The following KCNIP4 variants were observed in gnomAD, a reference collection of about 807,000 sequenced individuals.
The protein encoded by KCNIP4 is potassium voltage-gated channel interacting protein 4.
KCNIP4 carries 12 observed loss-of-function variants against 34.0 expected under a neutral mutation model. The observed-to-expected ratio is 0.35, with a 90% CI of 0.23 to 0.57. The LOEUF is 0.57. KCNIP4 is among the 20% of genes least tolerant of loss of function. The probability of loss-of-function intolerance (pLI) is 0.83; values close to 1 mark genes in which losing one functional copy is unlikely to be tolerated. For missense variants in KCNIP4, 238 were observed against 311.7 expected, an observed-to-expected ratio of 0.76 and a Z score of 1.78; for synonymous variants, 124 against 102.2, an observed-to-expected ratio of 1.21 and a Z score of -1.29.
At chr4:21,915,816 T>A (rs1035512716) in intron 1 of KCNIP4, among the ~76,000 whole-genome samples, 1 of 152,234 alleles carries the variant, frequency 6.6e-6, no homozygotes, top group Admixed American at 6.5e-5. Context: ...TGTTCTTTTT[T>A]ATTTTGCTAG....
intron 1 of KCNIP4, among the ~76,000 whole-genome samples, chr4:21,860,241 C>A (rs2109349491): frequency 6.6e-6 from 1 of 152,266 alleles, no homozygotes; most frequent in African/African-American, 2.4e-5. Flanking sequence ...TCAAGCAATT[C>A]TTGTGCCTCA....
intron 1 of KCNIP4, among the ~76,000 whole-genome samples, chr4:21,796,361 A>G (rs888698176): frequency 1.3e-5 from 2 of 151,590 alleles, no homozygotes; most frequent in Admixed American, 6.6e-5. Context: ...ATTTCTTCCA[A>G]CTCTTCATGG....
At chr4:21,707,932 T>TAC (rs3050896) in intron 1 of KCNIP4, among the ~76,000 whole-genome samples, 25,681 of 146,686 alleles carry the variant, frequency 0.18, 2,573 homozygotes, top group South Asian at 0.26. Context: ...AACACACACA[T>TAC]ACACACACAC....
intron 1 of KCNIP4, among the ~76,000 whole-genome samples, chr4:20,945,918 A>G (rs1358391768): frequency 1.3e-5 from 2 of 152,216 alleles, no homozygotes; most frequent in African/African-American, 4.8e-5. Context: ...CAGTCGCTCA[A>G]ATCAACTATA....
chr4:21,605,519 C>T (rs1293246303), intron 1 of KCNIP4, among the ~76,000 whole-genome samples: 4 of 152,068 alleles, frequency 2.6e-5, no homozygotes, highest in South Asian at 2.1e-4. Flanking sequence ...CTCACTCTGT[C>T]GCCCAGGCTG....
chr4:21,065,001 T>C (rs905851456), intron 1 of KCNIP4, among the ~76,000 whole-genome samples: 1 of 152,214 alleles, frequency 6.6e-6, no homozygotes, highest in Non-Finnish European at 1.5e-5. Context: ...ACCTGTTCAT[T>C]AATTGATGAA....
intron 1 of KCNIP4, among the ~76,000 whole-genome samples, chr4:21,152,970 C>T (rs541654236): frequency 6.6e-6 from 1 of 152,270 alleles, no homozygotes; most frequent in South Asian, 2.1e-4. Context: ...GGGTTGGGGA[C>T]CACTAATTTA....
chr4:21,693,765 T>C (rs770449146), intron 1 of KCNIP4, among the ~76,000 whole-genome samples: 2 of 152,284 alleles, frequency 1.3e-5, no homozygotes, highest in Non-Finnish European at 1.5e-5. Context: ...TCTTACCTCC[T>C]GCTTTTAATA....
intron 1 of KCNIP4, among the ~76,000 whole-genome samples, chr4:21,008,111 G>A (rs1738731176): frequency 6.6e-6 from 1 of 152,178 alleles, no homozygotes; most frequent in Admixed American, 6.5e-5. Flanking sequence ...ACTGAGACCT[G>A]CAGGCAGGAT....
intron 1 of KCNIP4, among the ~76,000 whole-genome samples, chr4:21,546,915 T>C (rs1029295643): frequency 6.6e-6 from 1 of 152,058 alleles, no homozygotes; most frequent in African/African-American, 2.4e-5. Context: ...AAAGAGAAAA[T>C]TTATTCTTAT....
At chr4:21,939,561 C>A (rs1257573047) in intron 1 of KCNIP4, among the ~76,000 whole-genome samples, 5 of 151,950 alleles carry the variant, frequency 3.3e-5, no homozygotes, top group Admixed American at 1.3e-4. Flanking sequence ...TATACTTGTC[C>A]CCAAGATTTT....
At chr4:20,956,620 C>A (rs903568721) in intron 1 of KCNIP4, among the ~76,000 whole-genome samples, 2 of 151,844 alleles carry the variant, frequency 1.3e-5, no homozygotes, top group Non-Finnish European at 2.9e-5. Flanking sequence ...AAGAATAAAA[C>A]AATAGATTAA....
At chr4:21,388,659 T>C (rs142908326) in intron 1 of KCNIP4, among the ~76,000 whole-genome samples, 1 of 152,206 alleles carries the variant, frequency 6.6e-6, no homozygotes, top group East Asian at 1.9e-4. Context: ...CTTTTAGCTA[T>C]TACCCTCCAC....
chr4:21,043,972 T>C lies in KCNIP4; in HGVS notation c.62-161263A>G, dbSNP rs113366041. Among the ~76,000 whole-genome samples, 646 of 152,122 alleles carry C rather than the reference T, an allele frequency of 4.2e-3. 3 individuals are homozygous for C. The highest frequency in any genetic ancestry group is 0.015 in the African/African-American group (616 of 41,486). ...CAAAATGCCATTGGTTTCCATTGGG[T>C]GGATTAGGAATACAATGGGATTACA... is the stretch of plus-strand genomic sequence containing the variant. On this transcript the variant is annotated intron_variant, in intron 1 of 8. Transcript: ENST00000382152.
At chr4:21,009,467 CCAAA>C (rs566914408) in intron 1 of KCNIP4, among the ~76,000 whole-genome samples, 2 of 152,150 alleles carry the variant, frequency 1.3e-5, no homozygotes, top group Non-Finnish European at 2.9e-5. Flanking sequence ...TCCTTCCTTT[CCAAA>C]CAATTAAAAT....
chr4:21,753,189 C>T (rs1314418337), intron 1 of KCNIP4, among the ~76,000 whole-genome samples: 3 of 152,164 alleles, frequency 2.0e-5, no homozygotes, highest in Admixed American at 1.3e-4. Flanking sequence ...TGAGGCTCCT[C>T]ATGCATAATC....
At chr4:21,382,989 GA>G (rs1274505187) in intron 1 of KCNIP4, among the ~76,000 whole-genome samples, 3 of 152,160 alleles carry the variant, frequency 2.0e-5, no homozygotes, top group African/African-American at 7.2e-5. Context: ...AGCATTTAAA[GA>G]GGTAGTTAAG....
intron 5 of KCNIP4, among the ~76,000 whole-genome samples, chr4:20,735,038 G>T (rs1277329130): frequency 6.6e-6 from 1 of 152,126 alleles, no homozygotes; most frequent in African/African-American, 2.4e-5. Context: ...CACTGCAAGT[G>T]CACATGATTT....
At chr4:21,503,140 A>C (rs992346437) in intron 1 of KCNIP4, among the ~76,000 whole-genome samples, 1 of 152,186 alleles carries the variant, frequency 6.6e-6, no homozygotes, top group Non-Finnish European at 1.5e-5. Context: ...TATAAAGAAT[A>C]TTACATTTGA....
Sources: allele counts gnomAD v4.1 joint callset (sites outside exome capture counted in the v4.1 genomes callset), GRCh38; gene constraint gnomAD v4.1.1; transcripts MANE v1.5; gene names NCBI Gene and HGNC (gene_info 2026-07-23, HGNC 2026-07-21).